The following SARDH variants were observed in gnomAD, a reference collection of about 807,000 sequenced individuals.
SARDH encodes the protein sarcosine dehydrogenase, mitochondrial.
SARDH carries 95 observed loss-of-function variants against 109.1 expected under a neutral mutation model. That is an observed-to-expected ratio of 0.87 (90% confidence interval 0.74 to 1.03). SARDH has a LOEUF of 1.03. SARDH is among the 50% of genes least tolerant of loss of function. The pLI, the probability that SARDH is intolerant of heterozygous loss-of-function variation, is 0.00. For missense variants in SARDH, 1,267 were observed against 1,287.8 expected, an observed-to-expected ratio of 0.98 and a Z score of 0.25; for synonymous variants, 572 against 534.8, an observed-to-expected ratio of 1.07 and a Z score of -0.96.
chr9:133,695,646 T>C (rs1271404641), intron 14 of SARDH, among the ~76,000 whole-genome samples: 1 of 150,046 alleles, frequency 6.7e-6, no homozygotes, highest in Non-Finnish European at 1.5e-5. Flanking sequence ...TGACAATAAA[T>C]TGGTGTTGTT....
In SARDH at chr9:133,734,041, T is replaced by G. The variant is rs1832779976; in HGVS notation, c.133A>C (p.Thr45Pro). ...TAEKSVPYQRTLKEGQGTSVV... is the reference protein window; with the variant it reads ...TAEKSVPYQRPLKEGQGTSVV... ...GAGGTGCCCTGTCCCTCCTTCAGGG[T>G]CCGCTGATATGGCACACTCTTCTCG... The change falls in exon 2 of 21, where the codon ACC (threonine) becomes CCC (proline). Residue 45 changes from threonine to proline, a missense_variant. Coordinates refer to ENST00000439388, the MANE Select transcript of SARDH (RefSeq NM_001134707.2). 1 of 1,613,124 alleles carries G rather than the reference T, an allele frequency of 6.2e-7. No homozygotes were observed. Among genetic ancestry groups the G allele is most frequent in the Non-Finnish European group, 8.5e-7 (1 of 1,179,952 alleles).
At chr9:133,695,907 G>A (rs1054421545) in intron 14 of SARDH, among the ~76,000 whole-genome samples, 1 of 152,162 alleles carries the variant, frequency 6.6e-6, no homozygotes, top group Non-Finnish European at 1.5e-5. Context: ...AGCATGGGGG[G>A]GACTGGGCCC....
intron 17 of SARDH, among the ~76,000 whole-genome samples, chr9:133,683,036 C>G (rs952133367): frequency 6.6e-6 from 1 of 152,248 alleles, no homozygotes; most frequent in Admixed American, 6.5e-5. Context: ...CCCTGCACCC[C>G]CCACGCTGTG....
At chr9:133,674,094 G>A (rs1483165643) in intron 17 of SARDH, among the ~76,000 whole-genome samples, 2 of 152,236 alleles carry the variant, frequency 1.3e-5, no homozygotes, top group Non-Finnish European at 2.9e-5. Context: ...CTAAGTTCAC[G>A]GAATCACTAG....
rs754973222 is a variant in SARDH, at chr9:133,671,709, G to A, written c.2164-12C>T. 1.5e-5 allele frequency: 23 copies of A among 1,560,162 alleles called. No individual in the cohort carries two copies. In the East Asian group the frequency reaches 3.1e-4, roughly 21 times the overall value. ...CGCATGGCTCGGACCTGGGGGACAAGGTCATGGCTTAGATGTGGCCATGTA... is the reference window on the plus strand; with the variant it reads ...CGCATGGCTCGGACCTGGGGGACAAAGTCATGGCTTAGATGTGGCCATGTA... On this transcript the variant is annotated splice_polypyrimidine_tract_variant and intron_variant, in intron 17 of 20. Transcript: ENST00000439388.
chr9:133,711,560 G>T (rs147485693), intron 10 of SARDH, among the ~76,000 whole-genome samples: 1 of 152,350 alleles, frequency 6.6e-6, no homozygotes, highest in African/African-American at 2.4e-5. Context: ...CCATGGAGGG[G>T]TGGCAGCTGG....
intron 13 of SARDH, among the ~76,000 whole-genome samples, chr9:133,697,193 A>G (rs1831316598): frequency 6.6e-6 from 1 of 152,228 alleles, no homozygotes; most frequent in Non-Finnish European, 1.5e-5. Flanking sequence ...ACTAGACACG[A>G]AATGGACAAA....
upstream of SARDH, among the ~76,000 whole-genome samples, chr9:133,739,261 T>A (rs981579283): frequency 6.6e-6 from 1 of 152,248 alleles, no homozygotes; most frequent in African/African-American, 2.4e-5. Flanking sequence ...ATTGTAATGA[T>A]GCCAGCTGCC....
Position 133,717,393 on chromosome 9 carries a change from A to G in SARDH, c.1083T>C (p.Ile361=), listed in dbSNP as rs1201800434. Residue 361 remains isoleucine (I), a synonymous_variant, in exon 8 of 21, where the codon ATT becomes ATC. Coordinates refer to ENST00000439388, the MANE Select transcript of SARDH (RefSeq NM_001134707.2). ...CGGGGACCCTGTTGATGGCGCCTTC[A>G]ATGTGCTGGGTGAACACCTCCCAGT... is the stretch of plus-strand genomic sequence containing the variant. The part of the protein sequence containing the change: ...DLDWEVFTQH[I]EGAINRVPVL... 1 of 1,614,010 alleles carries G rather than the reference A, an allele frequency of 6.2e-7. No individual in the cohort carries two copies.
intron 17 of SARDH, among the ~76,000 whole-genome samples, chr9:133,675,853 G>C (rs911506561): frequency 1.1e-4 from 17 of 152,226 alleles, no homozygotes; most frequent in African/African-American, 4.1e-4. Context: ...TACTTGGGGA[G>C]GCCAAGGCAG....
At position 133,705,105 on chromosome 9, in the gene SARDH, G is replaced by A. The variant is rs894667109; in HGVS notation, c.1471-74C>T. ...CTGCGCAGGGCAGAGAGCCACATCC[G>A]CCACTTTACACCCAAGGGTGCGGAG... On this transcript the variant is annotated intron_variant, in intron 11 of 20. Coordinates refer to ENST00000439388, the MANE Select transcript of SARDH (RefSeq NM_001134707.2). 3.5e-5 allele frequency: 49 copies of A among 1,416,246 alleles called. 1 individual carries two copies. In the Middle Eastern group the frequency reaches 5.5e-4, roughly 16 times the overall value. 87.7% of individuals were successfully genotyped at this position (1,416,246 alleles called of 1,614,324 possible). A position where few individuals can be genotyped will look rare whatever the true frequency, so the allele number is the denominator to read the frequency against.
In SARDH at chr9:133,687,976, A is replaced by C. The variant is rs570485074; in HGVS notation, c.2069+2404T>G. On this transcript the variant is annotated intron_variant, in intron 16 of 20. Coordinates refer to ENST00000439388, the MANE Select transcript of SARDH (RefSeq NM_001134707.2). ...CCGCCACCGCCTGGAGCAGCTTATA[A>C]TGAGGCTGGGCGCACCGGCCGCCCC... Among the ~76,000 whole-genome samples, 106 of 152,222 alleles carry C rather than the reference A, an allele frequency of 7.0e-4. 1 individual carries two copies. The highest frequency in any genetic ancestry group is 3.4e-3 in the Middle Eastern group (1 of 294).
intron 17 of SARDH, among the ~76,000 whole-genome samples, chr9:133,673,276 C>A (rs781635767): frequency 2.0e-5 from 3 of 152,376 alleles, no homozygotes; most frequent in South Asian, 4.1e-4. Context: ...CTGGAGTCTG[C>A]GTCCTCACCT....
rs765770916 is a variant in SARDH, at chr9:133,666,759, G to A, written c.2607C>T (p.Tyr869=). 13 of 1,598,490 alleles carry A rather than the reference G, an allele frequency of 8.1e-6. No homozygotes were observed. The highest frequency in any genetic ancestry group is 1.0e-5 in the Non-Finnish European group (12 of 1,172,888). The change falls in exon 20 of 21, where the codon TAC becomes TAT. Residue 869 remains tyrosine (Y), a synonymous_variant. Coordinates refer to ENST00000439388, the MANE Select transcript of SARDH (RefSeq NM_001134707.2). This position sits in a 1 kb window ranked among gnomAD's most constrained non-coding sequence, Gnocchi z 5.2. ...CCGGCCCACCGCTGGGGTCATGGAT[G>A]TAACCGTAGGCGATGGTCTTGTCGA... ...FAIDKTIAYG[Y]IHDPSGGPVS...
chr9:133,666,971 C>A lies in SARDH; in HGVS notation c.2496-101G>T. ...AATGGGGGGCTGCATGATGCACACC[C>A]AACCGTGGCTCCAGGCAGATAGGGC... On this transcript the variant is annotated intron_variant, in intron 19 of 20. Transcript: ENST00000439388. The surrounding 1 kb of genome is among the most constrained non-coding windows in gnomAD (Gnocchi z 5.2). 1 of 1,500,514 alleles carries A rather than the reference C, an allele frequency of 6.7e-7. No homozygotes were observed. The highest frequency in any genetic ancestry group is 9.1e-7 in the Non-Finnish European group (1 of 1,100,792). 92.9% of individuals were successfully genotyped at this position (1,500,514 alleles called of 1,614,324 possible). A position where few individuals can be genotyped will look rare whatever the true frequency, so the allele number is the denominator to read the frequency against.
chr9:133,690,525 C>A lies in SARDH; in HGVS notation c.1924G>T (p.Asp642Tyr), dbSNP rs763009804. Residue 642 changes from aspartate to tyrosine, a missense_variant and splice_region_variant, in exon 16 of 21, where the codon GAC becomes TAC. Asp to Tyr is a radical substitution (Grantham distance 160). Transcript: ENST00000439388. ...CCGCCCATGGCCAGGTAGTAACCGTCCCCTGGAAGAGAGGCACCTGGACTT... is the reference window on the plus strand; with the variant it reads ...CCGCCCATGGCCAGGTAGTAACCGTACCCTGGAAGAGAGGCACCTGGACTT... ...ASPLAPAFEG[D>Y]GYYLAMGGAV... 2 of 1,596,432 alleles carry A rather than the reference C, an allele frequency of 1.3e-6. No homozygotes were observed. Among genetic ancestry groups the A allele is most frequent in the African/African-American group, 1.3e-5 (1 of 74,792 alleles).
rs1829955636 is a variant in SARDH at position 133,663,620 on chromosome 9, C to T, written c.*269G>A. On this transcript the variant is annotated 3_prime_UTR_variant, in exon 21 of 21. Coordinates refer to ENST00000439388, the MANE Select transcript of SARDH (RefSeq NM_001134707.2). ...CCTTCTAGAAGCTTGGAAAGGGCTA[C>T]AAGCCATGGTCCCTGAGCCCAAGAC... is the stretch of plus-strand genomic sequence containing the variant. 6.3e-6 allele frequency: 3 copies of T among 478,144 alleles called. No individual in the cohort carries two copies. Among genetic ancestry groups the T allele is most frequent in the African/African-American group, 3.9e-5 (2 of 51,662 alleles). 29.6% of individuals were successfully genotyped at this position (478,144 alleles called of 1,614,324 possible).
At chr9:133,732,651 C>T in intron 2 of SARDH, 50 bp from the exon 3 acceptor site, 3 of 1,537,990 alleles carry the variant, frequency 2.0e-6, no homozygotes, top group Non-Finnish European at 2.6e-6. Context: ...GACTGCACCT[C>T]CTTCCCCCAG....
intron 6 of SARDH, among the ~76,000 whole-genome samples, chr9:133,726,022 G>A (rs1166392047): frequency 6.6e-6 from 1 of 152,154 alleles, no homozygotes; most frequent in Non-Finnish European, 1.5e-5. Context: ...GAGAATATCT[G>A]CACCAGGGGA....
Sources: allele counts gnomAD v4.1 joint callset (sites outside exome capture counted in the v4.1 genomes callset), GRCh38; gene constraint gnomAD v4.1.1; non-coding constraint Gnocchi (gnomAD v3.1); transcripts MANE v1.5; gene names NCBI Gene and HGNC (gene_info 2026-07-23, HGNC 2026-07-21).